The following GPATCH1 variants were observed in gnomAD, a reference collection of about 807,000 sequenced individuals.
The protein encoded by GPATCH1 is G-patch domain containing 1, also known as G patch domain-containing protein 1.
Under a neutral mutation model 114.9 loss-of-function variants are expected in GPATCH1, and 73 were observed. The observed-to-expected ratio is 0.64, with a 90% CI of 0.53 to 0.77. The LOEUF is 0.77. GPATCH1 is among the 30% of genes least tolerant of loss of function. GPATCH1 has a pLI of 0.00. For missense variants in GPATCH1, 1,058 were observed against 1,144.3 expected, an observed-to-expected ratio of 0.92 and a Z score of 1.09; for synonymous variants, 391 against 428.4, an observed-to-expected ratio of 0.91 and a Z score of 1.08.
chr19:33,127,140 G>GA (rs35246382), intron 19 of GPATCH1, among the ~76,000 whole-genome samples: 13 of 147,210 alleles, frequency 8.8e-5, no homozygotes, highest in South Asian at 2.1e-4. Context: ...CTCCCTAAAA[G>GA]AAAAAAAAAA....
At chr19:33,091,912 T>C (rs1972600743) in intron 3 of GPATCH1, among the ~76,000 whole-genome samples, 1 of 152,202 alleles carries the variant, frequency 6.6e-6, no homozygotes, top group South Asian at 2.1e-4. Context: ...CCCCAGGCTC[T>C]CTCTTCTCAG....
rs765106013 is a variant in GPATCH1 at position 33,119,136 on chromosome 19, G to C, written c.2521+19G>C. Reference sequence around the variant, plus strand: ...TGCCCCAGTGAGTGCAGAGCCCTTTGGTTCGCCCATTTTTATCAGTGTGTG... The same window carrying C: ...TGCCCCAGTGAGTGCAGAGCCCTTTCGTTCGCCCATTTTTATCAGTGTGTG... On this transcript the variant is annotated intron_variant, in intron 17 of 19. Transcript: ENST00000170564. 44 of 1,452,302 alleles carry C rather than the reference G, an allele frequency of 3.0e-5. No individual in the cohort carries two copies. Among genetic ancestry groups the C allele is most frequent in the Non-Finnish European group, 5.7e-6 (6 of 1,047,188 alleles). 90.0% of individuals were successfully genotyped at this position (1,452,302 alleles called of 1,614,324 possible).
At position 33,125,140 on chromosome 19, in the gene GPATCH1, A is replaced by G. The variant is rs1292427065; in HGVS notation, c.2557A>G (p.Lys853Glu). 6.2e-7 allele frequency: 1 copy of G among 1,600,782 alleles called. No homozygotes were observed. Among genetic ancestry groups the G allele is most frequent in the African/African-American group, 1.3e-5 (1 of 74,332 alleles). The change falls in exon 18 of 20, where the codon AAA (lysine) becomes GAA (glutamate). Residue 853 changes from lysine (K) to glutamate (E), a missense_variant. Around this residue, in one of 3 missense-constraint regions of GPATCH1, gnomAD observed 893 missense variants for 977.4 expected, o/e 0.91. Transcript: ENST00000170564. ...RQTLEVPQKE[K>E]HKKNKDKHKA... ...GACACTTGAGGTTCCTCAAAAAGAGAAACATAAAAAGAACAAAGACAAGCA... is the reference window on the plus strand; with the variant it reads ...GACACTTGAGGTTCCTCAAAAAGAGGAACATAAAAAGAACAAAGACAAGCA...
chr19:33,116,775 C>T (rs1355273329), intron 15 of GPATCH1, among the ~76,000 whole-genome samples: 4 of 152,290 alleles, frequency 2.6e-5, no homozygotes, highest in South Asian at 4.1e-4. Flanking sequence ...GTGATCCACC[C>T]GCCTCGGCCT....
chr19:33,083,010 G>A (rs1312073542), intron 1 of GPATCH1, among the ~76,000 whole-genome samples: 4 of 151,938 alleles, frequency 2.6e-5, no homozygotes, highest in African/African-American at 7.2e-5. Flanking sequence ...AGGCCGAGGC[G>A]GGCAGATCGC....
chr19:33,091,011 T>A, intron 3 of GPATCH1, 146 bp downstream of exon 3: 1 of 622,528 alleles, frequency 1.6e-6, no homozygotes, highest in African/African-American at 1.8e-5. Flanking sequence ...TGATGTGCAG[T>A]GTCCTGTACA....
At chr19:33,104,839 A>G (rs1267230500) in intron 9 of GPATCH1, among the ~76,000 whole-genome samples, 1 of 152,200 alleles carries the variant, frequency 6.6e-6, no homozygotes, top group Non-Finnish European at 1.5e-5. Flanking sequence ...GGAAAAAAAT[A>G]GTAAAGAAAA....
intron 15 of GPATCH1, among the ~76,000 whole-genome samples, chr19:33,114,699 A>G (rs924044160): frequency 2.0e-5 from 3 of 151,828 alleles, no homozygotes; most frequent in Non-Finnish European, 4.4e-5. Flanking sequence ...ATTTAACTTT[A>G]TAAGAAGCTG....
rs1293347296 is a variant in GPATCH1 at position 33,125,142 on chromosome 19, A to T, written c.2559A>T (p.Lys853Asn). The T allele has an allele frequency of 1.9e-6, 3 of 1,601,406 alleles. No individual in the cohort carries two copies. Among genetic ancestry groups the T allele is most frequent in the Non-Finnish European group, 1.7e-6 (2 of 1,173,698 alleles). Residue 853 changes from lysine (K) to asparagine (N), a missense_variant, in exon 18 of 20, where the codon AAA becomes AAT. Physicochemically the swap from Lys to Asn is moderately conservative, Grantham distance 94. Coordinates refer to ENST00000170564, the MANE Select transcript of GPATCH1 (RefSeq NM_018025.3). ...CACTTGAGGTTCCTCAAAAAGAGAA[A>T]CATAAAAAGAACAAAGACAAGCACA... ...RQTLEVPQKE[K>N]HKKNKDKHKA...
At chr19:33,085,609 C>G (rs1474961292) in intron 1 of GPATCH1, among the ~76,000 whole-genome samples, 6 of 152,288 alleles carry the variant, frequency 3.9e-5, no homozygotes, top group East Asian at 1.9e-4. Context: ...GGAGGCATCT[C>G]TGGCTTGGAG....
intron 11 of GPATCH1, 21 bp from the exon 12 acceptor site, chr19:33,111,703 T>G (rs764072310): frequency 1.7e-5 from 28 of 1,611,526 alleles, no homozygotes; most frequent in Non-Finnish European, 2.3e-5. Context: ...TGAAGCTGCT[T>G]CTTGTTCTCT....
chr19:33,117,732 A>G (rs1972931609), intron 15 of GPATCH1, 93 bp from the exon 16 acceptor site: 2 of 865,128 alleles, frequency 2.3e-6, no homozygotes, highest in South Asian at 2.9e-5. Context: ...GAGCATAAAC[A>G]TAAATATGTG....
chr19:33,083,396 GT>G (rs763617937), intron 1 of GPATCH1, among the ~76,000 whole-genome samples: 57 of 138,578 alleles, frequency 4.1e-4, no homozygotes, highest in South Asian at 7.0e-4. Context: ...CCATGTTTTT[GT>G]TTTTTTTTTT....
chr19:33,108,756 C>A (rs1156375669), intron 10 of GPATCH1, among the ~76,000 whole-genome samples: 1 of 152,134 alleles, frequency 6.6e-6, no homozygotes, highest in Non-Finnish European at 1.5e-5. Context: ...AGCTGGCACT[C>A]ATGAGTGTTT....
In GPATCH1 at chr19:33,126,621, A is replaced by G. The variant is rs1973043947; in HGVS notation, c.2653A>G (p.Lys885Glu). The G allele has an allele frequency of 6.2e-7, 1 of 1,613,628 alleles. No individual in the cohort carries two copies. The highest frequency in any genetic ancestry group is 1.3e-5 in the African/African-American group (1 of 74,912). Reference protein sequence around the residue: ...KKHRKHKHKGKQKNKKPEKSS... With the variant: ...KKHRKHKHKGEQKNKKPEKSS... ...ACACAGGAAGCACAAACACAAAGGCAAGCAAAAGAATAAAAAACCAGAGAA... is the reference window on the plus strand; with the variant it reads ...ACACAGGAAGCACAAACACAAAGGCGAGCAAAAGAATAAAAAACCAGAGAA... The change falls in exon 19 of 20, where the codon AAG becomes GAG. Residue 885 changes from lysine to glutamate, a missense_variant. Lys to Glu is a moderately conservative substitution (Grantham distance 56). Around this residue, in one of 3 missense-constraint regions of GPATCH1, gnomAD observed 893 missense variants for 977.4 expected, o/e 0.91. Coordinates refer to ENST00000170564, the MANE Select transcript of GPATCH1 (RefSeq NM_018025.3).
intron 1 of GPATCH1, among the ~76,000 whole-genome samples, chr19:33,082,403 C>G (rs548997246): frequency 6.6e-6 from 1 of 152,168 alleles, no homozygotes; most frequent in Admixed American, 6.6e-5. Flanking sequence ...GGTGGGGGTC[C>G]CCTCCCTTTT....
intron 19 of GPATCH1, among the ~76,000 whole-genome samples, chr19:33,129,203 C>T (rs920426196): frequency 3.4e-4 from 52 of 151,100 alleles, no homozygotes; most frequent in Non-Finnish European, 7.7e-4. Context: ...ACCGAGATCG[C>T]GCCACTGTAC....
In GPATCH1 at chr19:33,118,025, A is replaced by T. The variant is rs990910540; in HGVS notation, c.2397A>T (p.Thr799=). 1 of 1,612,858 alleles carries T rather than the reference A, an allele frequency of 6.2e-7. No individual in the cohort carries two copies. Among genetic ancestry groups the T allele is most frequent in the Admixed American group, 1.7e-5 (1 of 59,944 alleles). ...CCCAAGACACTGACTTGGGGGAAAC[A>T]TCATCTGTGGCTCACGGTATGTCAG... ...QSSQDTDLGE[T]SSVAHALVPA... Residue 799 remains threonine (T), a synonymous_variant, in exon 16 of 20, where the codon ACA becomes ACT. Transcript: ENST00000170564.
At chr19:33,095,445 G>A (rs1172835640) in intron 5 of GPATCH1, among the ~76,000 whole-genome samples, 1 of 151,578 alleles carries the variant, frequency 6.6e-6, no homozygotes, top group Non-Finnish European at 1.5e-5. Flanking sequence ...TGTATTTTTT[G>A]TAGAGACGGG....
Sources: allele counts gnomAD v4.1 joint callset (sites outside exome capture counted in the v4.1 genomes callset), GRCh38; gene constraint gnomAD v4.1.1; regional missense constraint gnomAD v4.1.1; transcripts MANE v1.5; gene names NCBI Gene and HGNC (gene_info 2026-07-23, HGNC 2026-07-21).